Variants in GALNT14 observed in about 807,000 individuals in gnomAD.
The protein encoded by GALNT14 is polypeptide N-acetylgalactosaminyltransferase 14, also known as UDP-GalNAc:polypeptide N-acetylgalactosaminyltransferase 14.
In GALNT14, 60 loss-of-function variants were observed where a neutral mutation model predicts 77.5. The ratio of observed to expected loss-of-function variants is 0.77; its 90% CI spans 0.63 to 0.96. The LOEUF (loss-of-function observed/expected upper bound fraction) is 0.96, where lower values mean the gene tolerates loss of function less well. Among genes scored for constraint, GALNT14 ranks in the 40% least tolerant of loss-of-function variants. The pLI is 0.00. For missense variants in GALNT14, 710 were observed against 731.0 expected (o/e 0.97, Z 0.33); for synonymous variants, 280 against 281.7 (o/e 0.99, Z 0.06).
At chr2:30,929,772 A>T (rs902187175) in intron 10 of GALNT14, among the ~76,000 whole-genome samples, 8 of 152,358 alleles carry the variant, frequency 5.3e-5, no homozygotes, top group Admixed American at 2.0e-4. Flanking sequence ...GGGGTTTTTT[A>T]AATTTGGAAT....
At chr2:31,031,894 C>G (rs1159831090) in intron 1 of GALNT14, among the ~76,000 whole-genome samples, 2 of 152,192 alleles carry the variant, frequency 1.3e-5, no homozygotes. Flanking sequence ...AGTGTTCTCT[C>G]TCTAGCAAGA....
At chr2:31,079,945 A>G (rs982270239) in intron 1 of GALNT14, among the ~76,000 whole-genome samples, 11 of 152,236 alleles carry the variant, frequency 7.2e-5, no homozygotes, top group Admixed American at 6.5e-4. Context: ...TCTGGCTTCC[A>G]GCAGTCCTGC....
chr2:31,023,732 C>T (rs1344215406), intron 1 of GALNT14, among the ~76,000 whole-genome samples: 16 of 152,210 alleles, frequency 1.1e-4, no homozygotes. Context: ...CATCCCTCCC[C>T]TGTGACACTT....
chr2:30,933,771 T>C (rs1483164138), intron 9 of GALNT14, among the ~76,000 whole-genome samples: 1 of 152,240 alleles, frequency 6.6e-6, no homozygotes, highest in African/African-American at 2.4e-5. Context: ...AGTAACCAGC[T>C]AGCTGTATCC....
At chr2:31,105,844 T>C (rs1284944340) in intron 1 of GALNT14, among the ~76,000 whole-genome samples, 1 of 152,234 alleles carries the variant, frequency 6.6e-6, no homozygotes, top group African/African-American at 2.4e-5. Context: ...TGTATATATG[T>C]ACATACTGAC....
intron 1 of GALNT14, among the ~76,000 whole-genome samples, chr2:31,110,928 T>G (rs1677801347): frequency 6.6e-6 from 1 of 152,204 alleles, no homozygotes; most frequent in Non-Finnish European, 1.5e-5. Context: ...GAACTTGAAC[T>G]CTAACTCCAA....
intron 10 of GALNT14, among the ~76,000 whole-genome samples, chr2:30,931,484 C>T (rs1665721754): frequency 6.6e-6 from 1 of 152,132 alleles, no homozygotes; most frequent in South Asian, 2.1e-4. Flanking sequence ...CAAGTGGGCA[C>T]CCTTGGGTCT....
At chr2:30,926,586 T>C (rs1217036268) in intron 11 of GALNT14, among the ~76,000 whole-genome samples, 1 of 152,122 alleles carries the variant, frequency 6.6e-6, no homozygotes, top group African/African-American at 2.4e-5. Context: ...GAATATGTAG[T>C]AAGAAGAGGC....
rs538107985 is a variant in GALNT14 at position 30,934,267 on chromosome 2, G to A, written c.932-2073C>T. ...AGGAACCTGGAGGTCGGTGCGTGGA[G>A]TTGTGTCAGCACGTGTGAATTTCAG... is the stretch of plus-strand genomic sequence containing the variant. On this transcript the variant is annotated intron_variant, in intron 9 of 14. Coordinates refer to ENST00000349752, the MANE Select transcript of GALNT14 (RefSeq NM_024572.4). Among the ~76,000 whole-genome samples, 18 of 152,270 alleles carry A rather than the reference G, an allele frequency of 1.2e-4. 1 individual carries two copies. The highest frequency in any genetic ancestry group is 4.3e-4 in the African/African-American group (18 of 41,558).
intron 1 of GALNT14, among the ~76,000 whole-genome samples, chr2:31,032,897 G>A (rs1303018969): frequency 1.3e-5 from 2 of 152,148 alleles, no homozygotes; most frequent in African/African-American, 2.4e-5. Flanking sequence ...AGCTGGGAAG[G>A]TTGCATGCCA....
chr2:30,985,397 G>A (rs866777802), intron 2 of GALNT14, among the ~76,000 whole-genome samples: 3 of 152,230 alleles, frequency 2.0e-5, no homozygotes, highest in Middle Eastern at 3.4e-3. Flanking sequence ...AGGAAATCAG[G>A]AGATCAAGAC....
At position 30,924,156 on chromosome 2, in the gene GALNT14, G is replaced by A. The variant is rs1665206202; in HGVS notation, c.1343C>T (p.Pro448Leu). The change falls in exon 13 of 15, where the codon CCC (proline) becomes CTC (leucine). Residue 448 changes from proline (P) to leucine (L), a missense_variant. Pro to Leu is a moderately conservative substitution (Grantham distance 98). Coordinates refer to ENST00000349752, the MANE Select transcript of GALNT14 (RefSeq NM_024572.4). ...NQETPNLKLS[P>L]CAKVKGEDAK... is the part of the protein sequence containing the mutation. ...ATCTTCGCCTTTGACCTTGGCACAG[G>A]GGCTCAACTTTAGGTTTGGGGTTTC... 1.2e-6 allele frequency: 2 copies of A among 1,614,222 alleles called. No individual in the cohort carries two copies. Among genetic ancestry groups the A allele is most frequent in the Non-Finnish European group, 1.7e-6 (2 of 1,180,048 alleles).
At chr2:30,945,999 T>C in intron 6 of GALNT14, 129 bp from the exon 7 acceptor site, 1 of 685,694 alleles carries the variant, frequency 1.5e-6, no homozygotes, top group South Asian at 1.8e-5. Context: ...CTTTCATCTC[T>C]GGATCTTAAT....
chr2:31,041,542 A>G (rs567243144), intron 1 of GALNT14, among the ~76,000 whole-genome samples: 158 of 152,268 alleles, frequency 1.0e-3, no homozygotes, highest in African/African-American at 3.5e-3. Context: ...CCCTCATGGT[A>G]CATGAGGATG....
At chr2:31,095,361 C>T (rs1192681476) in intron 1 of GALNT14, among the ~76,000 whole-genome samples, 1 of 152,094 alleles carries the variant, frequency 6.6e-6, no homozygotes, top group Non-Finnish European at 1.5e-5. Context: ...TCTGACATAG[C>T]GTGGGTTCTG....
intron 1 of GALNT14, among the ~76,000 whole-genome samples, chr2:31,031,602 A>C (rs979587135): frequency 6.6e-6 from 1 of 152,162 alleles, no homozygotes; most frequent in African/African-American, 2.4e-5. Context: ...CAACTCACCA[A>C]GTTGAAGAAA....
intron 13 of GALNT14, among the ~76,000 whole-genome samples, chr2:30,913,002 C>T (rs575925509): frequency 1.1e-4 from 17 of 152,132 alleles, no homozygotes; most frequent in African/African-American, 3.6e-4. Flanking sequence ...TTTCAGGGAG[C>T]GAAGCTGAGA....
chr2:31,035,977 T>A (rs1426989122), intron 1 of GALNT14, among the ~76,000 whole-genome samples: 2 of 152,100 alleles, frequency 1.3e-5, no homozygotes, highest in Non-Finnish European at 2.9e-5. Context: ...TTTACCTACA[T>A]AACAAATCTG....
At chr2:31,098,897 A>G (rs984551106) in intron 1 of GALNT14, among the ~76,000 whole-genome samples, 7 of 152,114 alleles carry the variant, frequency 4.6e-5, no homozygotes, top group Non-Finnish European at 7.4e-5. Flanking sequence ...CAGTAAGCGG[A>G]AGAGGATCAT....
Sources: gnomAD v4.1 joint callset for allele counts (sites outside exome capture counted in the v4.1 genomes callset) on GRCh38, gnomAD v4.1.1 for gene constraint, MANE v1.5 for transcripts, NCBI Gene and HGNC (gene_info 2026-07-23, HGNC 2026-07-21) for gene names.